TWF1: variants seen among roughly 807,000 people sequenced by gnomAD.
TWF1 encodes twinfilin-1.
Under a neutral mutation model 47.9 loss-of-function variants are expected in TWF1, and 14 were observed. That is an observed-to-expected ratio of 0.29 (90% CI 0.19 to 0.46). The LOEUF (loss-of-function observed/expected upper bound fraction) is 0.46, where lower values mean the gene tolerates loss of function less well. Ranked by LOEUF, TWF1 falls within the 20% of genes least tolerant of loss-of-function variation. The probability of loss-of-function intolerance (pLI) is 1.00; values close to 1 mark genes in which losing one functional copy is unlikely to be tolerated. For missense variants in TWF1, 281 were observed against 409.3 expected, an observed-to-expected ratio of 0.69 and a Z score of 2.70; for synonymous variants, 96 against 139.2, an observed-to-expected ratio of 0.69 and a Z score of 2.18.
chr12:43,797,026 G>A lies in TWF1; in HGVS notation c.832C>T (p.Arg278Cys), dbSNP rs370636775. The change falls in exon 8 of 9, where the codon CGT (arginine) becomes TGT (cysteine). Residue 278 changes from arginine to cysteine, a missense_variant. By Grantham distance (180) the Arg-to-Cys change is radical (BLOSUM62 -3). Transcript: ENST00000395510. ...ERMLYSSCKS[R>C]LLEIVERQLQ... ...TGTCTTTCTACAATTTCTAGCAGAC[G>A]GCTCTTGCAGCTAGAATACAGCATC... 2 of 1,611,034 alleles carry A rather than the reference G, an allele frequency of 1.2e-6. No individual in the cohort carries two copies. The highest frequency in any genetic ancestry group is 1.7e-6 in the Non-Finnish European group (2 of 1,178,938).
At chr12:43,803,909 CAAT>C (rs1233440513) in intron 2 of TWF1, among the ~76,000 whole-genome samples, 1 of 152,042 alleles carries the variant, frequency 6.6e-6, no homozygotes, top group Non-Finnish European at 1.5e-5. Flanking sequence ...GTACCTATAA[CAAT>C]AATTGTTCAA....
chr12:43,802,185 A>G, intron 3 of TWF1, 101 bp downstream of exon 3: 1 of 733,580 alleles, frequency 1.4e-6, no homozygotes, highest in Non-Finnish European at 2.1e-6. Context: ...ATTCCCTTCT[A>G]TGGGAAATAA....
chr12:43,797,659 T>A, intron 6 of TWF1, 49 bp downstream of exon 6: 1 of 1,592,532 alleles, frequency 6.3e-7, no homozygotes, highest in Non-Finnish European at 8.5e-7. Context: ...ATATGAGTCA[T>A]AAACTACCAA....
In TWF1 at chr12:43,797,763, T is replaced by C. The variant is rs778809199; in HGVS notation, c.554A>G (p.Glu185Gly). 2.9e-5 allele frequency: 46 copies of C among 1,613,448 alleles called. No homozygotes were observed. Among genetic ancestry groups the C allele is most frequent in the Non-Finnish European group, 3.9e-5 (46 of 1,179,574 alleles). ...LQGVAFPISREAFQALEKLNN... is the reference protein window; with the variant it reads ...LQGVAFPISRGAFQALEKLNN... ...CAATTTTTCCAAAGCCTGAAAGGCT[T>C]CTCGAGAAATGGGAAATGCTACTCC... Residue 185 changes from glutamate (E) to glycine (G), a missense_variant, in exon 6 of 9, where the codon GAA (glutamate) becomes GGA (glycine). Transcript: ENST00000395510.
chr12:43,794,515 T>C lies in TWF1; in HGVS notation c.*1070A>G, dbSNP rs1199146645. On this transcript the variant is annotated 3_prime_UTR_variant, in exon 9 of 9. Transcript: ENST00000395510. ...TCATTTAGAAAATGCCTCAAAGTTA[T>C]GGCTCTTGCAGCAGGTTTAACAGAT... 1 of 150,732 alleles carries C rather than the reference T, an allele frequency of 6.6e-6. No homozygotes were observed. Among genetic ancestry groups the C allele is most frequent in the Admixed American group, 6.7e-5 (1 of 15,024 alleles). 9.3% of individuals were successfully genotyped at this position (150,732 alleles called of 1,614,324 possible).
At chr12:43,802,928 G>A (rs575899233) in intron 2 of TWF1, among the ~76,000 whole-genome samples, 54 of 152,234 alleles carry the variant, frequency 3.5e-4, no homozygotes, top group African/African-American at 1.1e-3. Context: ...TAATGCTACA[G>A]ATTTAAACAT....
intron 1 of TWF1, chr12:43,805,386 G>A (rs1301954276): frequency 2.8e-6 from 1 of 355,708 alleles, no homozygotes; most frequent in Non-Finnish European, 5.7e-6. Context: ...AAATCTTTAC[G>A]AATAAAACAT....
At chr12:43,803,792 T>G (rs933163539) in intron 2 of TWF1, among the ~76,000 whole-genome samples, 14 of 152,106 alleles carry the variant, frequency 9.2e-5, no homozygotes, top group African/African-American at 3.4e-4. Flanking sequence ...CAAATTAGAT[T>G]TACTTCCAGT....
chr12:43,795,898 C>CT, intron 8 of TWF1, 143 bp from the exon 9 acceptor site: 1 of 720,728 alleles, frequency 1.4e-6, no homozygotes. Context: ...TCACTTTCTT[C>CT]TTTTGGGGGA....
At chr12:43,806,155 AGCCCTCCCG>A (rs774118923) in intron 1 of TWF1, 57 bp downstream of exon 1, 14 of 1,374,884 alleles carry the variant, frequency 1.0e-5, no homozygotes, top group Non-Finnish European at 1.3e-5. Context: ...CCGGTCCTGC[AGCCCTCCCG>A]GCTCTCCCGG....
rs763389705 is a variant in TWF1 at position 43,799,458 on chromosome 12, T to C, written c.423A>G (p.Gln141=). The C allele has an allele frequency of 5.6e-6, 9 of 1,610,276 alleles. No homozygotes were observed. The highest frequency in any genetic ancestry group is 3.3e-5 in the South Asian group (3 of 90,684). ...LHGYKKYLLS[Q]SSPAPLTAAE... is the part of the protein sequence containing the mutation. Reference sequence around the variant, plus strand: ...CTGCAGTCAGTGGGGCAGGGGAAGATTGTGACAGCAAGTATTTTTTATATC... The same window carrying C: ...CTGCAGTCAGTGGGGCAGGGGAAGACTGTGACAGCAAGTATTTTTTATATC... Residue 141 remains glutamine, a synonymous_variant, in exon 5 of 9, where the codon CAA becomes CAG. Coordinates refer to ENST00000395510, the MANE Select transcript of TWF1 (RefSeq NM_002822.5).
chr12:43,805,868 C>T lies in TWF1; in HGVS notation c.25+353G>A, dbSNP rs562902341. The T allele has an allele frequency of 1.3e-5, 19 of 1,433,408 alleles. No homozygotes were observed. The African/African-American group carries it at 2.1e-4, about 16-fold the overall frequency. The allele number at this position is 1,433,408 out of a possible 1,614,324, so 88.8% of individuals were successfully genotyped here. ...AGCGTACTGAAGCCCCAGTCGCCTC[C>T]ACTGTCCCAGCTCTTCCCTACGTGA... On this transcript the variant is annotated intron_variant, in intron 1 of 8. Coordinates refer to ENST00000395510, the MANE Select transcript of TWF1 (RefSeq NM_002822.5).
Position 43,806,296 on chromosome 12 carries a change from C to G in TWF1, c.-51G>C. ...CGGCGCTGAGTGCAGCCAGCGGCCC[C>G]GGCCGGCGGCCCCAGGAAGTGGCTG... is the stretch of plus-strand genomic sequence containing the variant. On this transcript the variant is annotated 5_prime_UTR_variant, in exon 1 of 9. Coordinates refer to ENST00000395510, the MANE Select transcript of TWF1 (RefSeq NM_002822.5). 1 of 1,437,342 alleles carries G rather than the reference C, an allele frequency of 7.0e-7. No individual in the cohort carries two copies. The highest frequency in any genetic ancestry group is 9.2e-7 in the Non-Finnish European group (1 of 1,089,278). 89.0% of individuals were successfully genotyped at this position (1,437,342 alleles called of 1,614,324 possible). A position where few individuals can be genotyped will look rare whatever the true frequency, so the allele number is the denominator to read the frequency against.
chr12:43,805,932 G>A (rs747091961), intron 1 of TWF1: 2 of 1,525,208 alleles, frequency 1.3e-6, no homozygotes, highest in Admixed American at 1.7e-5. Flanking sequence ...GGGGACGGTG[G>A]AAGGCACGCC....
Position 43,802,439 on chromosome 12 carries a change from A to T in TWF1, c.129T>A (p.Ser43Arg). The change falls in exon 3 of 9, where the codon AGT becomes AGA. Residue 43 changes from serine (S) to arginine (R), a missense_variant. Coordinates refer to ENST00000395510, the MANE Select transcript of TWF1 (RefSeq NM_002822.5). The stretch of plus-strand genomic sequence containing the variant: ...CCTTATCCCAGGAATCTGAAGGCTG[A>T]CTATATGATCCAATCACAAGTTGCT... ...ENEQLVIGSY[S>R]QPSDSWDKDY... is the part of the protein sequence containing the mutation. The T allele has an allele frequency of 6.2e-7, 1 of 1,601,090 alleles. No individual in the cohort carries two copies. Among genetic ancestry groups the T allele is most frequent in the East Asian group, 2.2e-5 (1 of 44,596 alleles).
chr12:43,805,172 T>G (rs950293385), intron 1 of TWF1, among the ~76,000 whole-genome samples: 1 of 152,240 alleles, frequency 6.6e-6, no homozygotes, highest in African/African-American at 2.4e-5. Context: ...AGCTTCAATT[T>G]CGTTCTAATT....
At chr12:43,804,374 G>A (rs888703817) in intron 2 of TWF1, 121 bp downstream of exon 2, 19 of 677,824 alleles carry the variant, frequency 2.8e-5, no homozygotes, top group African/African-American at 7.4e-5. Context: ...CCAAGTTACC[G>A]TAAGATTTGA....
chr12:43,798,074 G>A (rs1942588004), intron 5 of TWF1, among the ~76,000 whole-genome samples: 1 of 152,124 alleles, frequency 6.6e-6, no homozygotes, highest in African/African-American at 2.4e-5. Context: ...TGGGGTTTGG[G>A]TGGGTTTGTT....
intron 3 of TWF1, 45 bp from the exon 4 acceptor site, chr12:43,800,575 A>G: frequency 1.4e-6 from 2 of 1,463,502 alleles, no homozygotes; most frequent in Non-Finnish European, 1.9e-6. Flanking sequence ...TGAAAACATA[A>G]CATTACAAAA....
Sources: gnomAD v4.1 joint callset for allele counts (sites outside exome capture counted in the v4.1 genomes callset) on GRCh38, gnomAD v4.1.1 for gene constraint, MANE v1.5 for transcripts, NCBI Gene and HGNC (gene_info 2026-07-23, HGNC 2026-07-21) for gene names.